Variants in MGST1 observed in about 807,000 individuals in gnomAD.
The protein encoded by MGST1 is glutathione S-transferase 12.
A neutral mutation model predicts 8.9 loss-of-function variants in MGST1; 5 were observed. That is an observed-to-expected ratio of 0.56 (90% CI 0.29 to 1.19). The LOEUF (loss-of-function observed/expected upper bound fraction) is 1.19. MGST1 is among the 50% of genes most tolerant of loss of function. MGST1 has a pLI of 0.08. For missense variants in MGST1, 182 were observed against 187.4 expected (o/e 0.97, Z 0.17); for synonymous variants, 54 against 67.8 (o/e 0.80, Z 1.00).
At chr12:16,507,448 GGATGTGGTT>G in intron 4 of MGST1, among the ~76,000 whole-genome samples, 1 of 152,084 alleles carries the variant, frequency 6.6e-6, no homozygotes, top group East Asian at 1.9e-4. Flanking sequence ...ATGCCAGTTT[GGATGTGGTT>G]GCACTGACTC....
At chr12:16,451,136 T>A (rs539467188) in intron 4 of MGST1, among the ~76,000 whole-genome samples, 2 of 152,096 alleles carry the variant, frequency 1.3e-5, no homozygotes, top group South Asian at 4.1e-4. Context: ...ACATTGTAAA[T>A]TGTTTGAATT....
chr12:16,513,240 C>T lies in MGST1; in HGVS notation n.483-76288C>T, dbSNP rs184708183. 6.9e-4 allele frequency among the ~76,000 whole-genome samples: 105 copies of T among 152,312 alleles called. No individual in the cohort carries two copies. The highest frequency in any genetic ancestry group is 2.5e-3 in the African/African-American group (102 of 41,558). ...TGACTTCAGCTTTTCATGAACTCTACGGAATTCTCCCATAACTTATTTCCT... is the reference window on the plus strand; with the variant it reads ...TGACTTCAGCTTTTCATGAACTCTATGGAATTCTCCCATAACTTATTTCCT... On this transcript the variant is annotated intron_variant and non_coding_transcript_variant, in intron 4 of 4. Transcript: ENST00000538857. This position sits in a 1 kb window ranked among gnomAD's most constrained non-coding sequence, Gnocchi z 4.2.
intron 1 of MGST1, among the ~76,000 whole-genome samples, chr12:16,394,755 C>T (rs536228313): frequency 1.8e-4 from 27 of 151,912 alleles, no homozygotes; most frequent in Non-Finnish European, 3.5e-4. Flanking sequence ...TGCCACCATG[C>T]CTGGCTAATT....
At chr12:16,433,835 T>G (rs1940960517) in intron 1 of MGST1, among the ~76,000 whole-genome samples, 1 of 152,122 alleles carries the variant, frequency 6.6e-6, no homozygotes. Flanking sequence ...GCCAGTTGAT[T>G]ATATGTATGT....
chr12:16,423,911 C>T (rs557581509), intron 1 of MGST1, among the ~76,000 whole-genome samples: 5 of 152,292 alleles, frequency 3.3e-5, no homozygotes, highest in Admixed American at 6.5e-5. Context: ...TGTTGAGTGT[C>T]GGTGCTCCAG....
downstream of MGST1, among the ~76,000 whole-genome samples, chr12:16,379,814 T>A (rs1940431996): frequency 6.6e-6 from 1 of 152,226 alleles, no homozygotes; most frequent in African/African-American, 2.4e-5. Context: ...GATTATTGCC[T>A]CAATTTCAGA....
At chr12:16,470,413 G>T (rs979364321) in intron 4 of MGST1, among the ~76,000 whole-genome samples, 2 of 152,152 alleles carry the variant, frequency 1.3e-5, no homozygotes, top group African/African-American at 4.8e-5. Flanking sequence ...TCATAATAAT[G>T]AAATATTTCT....
intron 1 of MGST1, among the ~76,000 whole-genome samples, chr12:16,427,617 A>T (rs1279499840): frequency 6.6e-6 from 1 of 152,124 alleles, no homozygotes; most frequent in African/African-American, 2.4e-5. Flanking sequence ...TCTGGCCTCA[A>T]GTGATCCGCC....
At chr12:16,479,233 A>AACTT in intron 4 of MGST1, among the ~76,000 whole-genome samples, 1 of 78,926 alleles carries the variant, frequency 1.3e-5, no homozygotes, top group East Asian at 3.3e-4. Context: ...AATAGACTGT[A>AACTT]TCTTTTTTTT....
rs1308310209 is a variant in MGST1, at chr12:16,571,036, TAATA to T, written n.483-18488_483-18485del. Among the ~76,000 whole-genome samples the T allele has an allele frequency of 3.9e-5, 6 of 152,056 alleles. 1 individual carries two copies. The highest frequency in any genetic ancestry group is 8.8e-5 in the Non-Finnish European group (6 of 67,974). ...TACCCTAAAACTTAAAGTATAATAA[TAATA>T]AATTTTAAAAAAATCTATTATCTAC... is the stretch of plus-strand genomic sequence containing the variant. On this transcript the variant is annotated intron_variant and non_coding_transcript_variant, in intron 4 of 4. Coordinates refer to the MGST1 transcript ENST00000538857.
chr12:16,508,333 TG>T (rs1360087124), intron 4 of MGST1, among the ~76,000 whole-genome samples: 1 of 152,180 alleles, frequency 6.6e-6, no homozygotes, highest in East Asian at 1.9e-4. Flanking sequence ...TCTTTACTCT[TG>T]TTACTTCCCT....
chr12:16,350,702 T>C (rs550135578), intron 1 of MGST1: 5 of 152,312 alleles, frequency 3.3e-5, no homozygotes, highest in Admixed American at 2.6e-4. Flanking sequence ...ACAACTACTA[T>C]TTCTTAATGT....
intron 4 of MGST1, among the ~76,000 whole-genome samples, chr12:16,507,536 A>G (rs1400076276): frequency 1.3e-5 from 2 of 152,186 alleles, no homozygotes; most frequent in Admixed American, 6.5e-5. Context: ...TAGTTCTCAC[A>G]CTGCTATAAA....
At position 16,478,184 on chromosome 12, in the gene MGST1, C is replaced by A. The variant is rs191274151; in HGVS notation, n.482+94580C>A. Among the ~76,000 whole-genome samples, 508 of 152,262 alleles carry A rather than the reference C, an allele frequency of 3.3e-3. 3 individuals are homozygous for A. The highest frequency in any genetic ancestry group is 0.01 in the Middle Eastern group (3 of 294). On this transcript the variant is annotated intron_variant and non_coding_transcript_variant, in intron 4 of 4. Coordinates refer to the MGST1 transcript ENST00000538857. ...AGCTGGGACTATAGGCGCGTGCCAC[C>A]ACGCCCAGCTAATTTTTGTATTTTT...
intron 4 of MGST1, among the ~76,000 whole-genome samples, chr12:16,516,070 AT>A (rs1456349957): frequency 6.6e-6 from 1 of 152,090 alleles, no homozygotes; most frequent in African/African-American, 2.4e-5. Context: ...TTATTTACTC[AT>A]TTTTTTAATG....
intron 3 of MGST1, among the ~76,000 whole-genome samples, chr12:16,360,607 C>T (rs1008820375): frequency 5.3e-5 from 8 of 152,084 alleles, no homozygotes; most frequent in South Asian, 2.1e-4. Flanking sequence ...ACATTCAACA[C>T]AAAAAGATAA....
In MGST1 at chr12:16,405,595, T is replaced by C. The variant is rs1940692567; in HGVS notation, n.778+21991T>C. Among the ~76,000 whole-genome samples the C allele has an allele frequency of 3.9e-5, 6 of 152,100 alleles. No individual in the cohort carries two copies. The South Asian group carries it at 1.2e-3, about 32-fold the overall frequency. On this transcript the variant is annotated intron_variant and non_coding_transcript_variant, in intron 1 of 1. Transcript: ENST00000359720. ...CCAGCATCATCTTGATACCAAAACC[T>C]GGCAGAAATAGAAGAAAAAGTAAAC...
intron 3 of MGST1, among the ~76,000 whole-genome samples, chr12:16,373,571 G>A (rs1558764): frequency 0.58 from 88,348 of 151,704 alleles, 26,633 homozygotes; most frequent in East Asian, 0.96. Flanking sequence ...AAATTTTTAA[G>A]AAGAAAAATA....
rs573007179 is a variant in MGST1, at chr12:16,389,901, C to T, written n.778+6297C>T. 9.2e-5 allele frequency among the ~76,000 whole-genome samples: 14 copies of T among 151,914 alleles called. No homozygotes were observed. Among genetic ancestry groups the T allele is most frequent in the South Asian group, 4.2e-4 (2 of 4,800 alleles). On this transcript the variant is annotated intron_variant and non_coding_transcript_variant, in intron 1 of 1. Coordinates refer to the MGST1 transcript ENST00000359720. The surrounding 1 kb of genome is among the most constrained non-coding windows in gnomAD (Gnocchi z 4.6). The stretch of plus-strand genomic sequence containing the variant: ...TGTAATGAAGAGTGAGGCAGGATTG[C>T]GTAAGTAGAAAAAGAGAAAAAGAGA...
Sources: gnomAD v4.1 joint callset for allele counts (sites outside exome capture counted in the v4.1 genomes callset) on GRCh38, gnomAD v4.1.1 for gene constraint, Gnocchi (gnomAD v3.1) non-coding constraint, MANE v1.5 for transcripts, NCBI Gene and HGNC (gene_info 2026-07-23, HGNC 2026-07-21) for gene names.